Variants in JAKMIP3 observed in about 807,000 individuals in gnomAD.
JAKMIP3 encodes the protein janus kinase and microtubule-interacting protein 3.
Under a neutral mutation model 118.5 loss-of-function variants are expected in JAKMIP3, and 58 were observed. That is an observed-to-expected ratio of 0.49 (90% CI 0.40 to 0.61). The LOEUF (loss-of-function observed/expected upper bound fraction) is 0.61. Ranked by LOEUF, JAKMIP3 falls within the 20% of genes least tolerant of loss-of-function variation. The pLI, the probability that JAKMIP3 is intolerant of heterozygous loss-of-function variation, is 0.00. For synonymous variants in JAKMIP3, 486 were observed against 451.2 expected (o/e 1.08, Z -0.98); for missense variants, 950 against 1,109.0 (o/e 0.86, Z 2.04).
chr10:132,115,189 A>C (rs1333960091), intron 2 of JAKMIP3, among the ~76,000 whole-genome samples: 1 of 150,710 alleles, frequency 6.6e-6, no homozygotes, highest in Non-Finnish European at 1.5e-5. Flanking sequence ...CAGCACTGGC[A>C]GGTCACCGCG....
intron 10 of JAKMIP3, 76 bp from the exon 11 acceptor site, chr10:132,141,843 CG>C: frequency 6.6e-7 from 1 of 1,515,524 alleles, no homozygotes; most frequent in Non-Finnish European, 8.9e-7. Flanking sequence ...AGGGAAGCCC[CG>C]GGGCCCCGCC....
intron 21 of JAKMIP3, among the ~76,000 whole-genome samples, chr10:132,165,891 C>T (rs556409704): frequency 1.8e-4 from 27 of 152,370 alleles, no homozygotes; most frequent in East Asian, 1.7e-3. Context: ...CCCACTAGCA[C>T]GCAGGGGCAC....
intron 1 of JAKMIP3, among the ~76,000 whole-genome samples, chr10:132,097,540 C>T (rs1478693571): frequency 6.6e-6 from 1 of 151,976 alleles, no homozygotes; most frequent in Non-Finnish European, 1.5e-5. Flanking sequence ...CCCATGGTTA[C>T]AGAGGGGGCA....
chr10:132,094,255 A>G (rs2038697788), intron 1 of JAKMIP3, among the ~76,000 whole-genome samples: 1 of 151,828 alleles, frequency 6.6e-6, no homozygotes, highest in African/African-American at 2.4e-5. Flanking sequence ...ATTCTTTTTT[A>G]GGTAAGTCAG....
chr10:132,108,011 C>T (rs2046185067), intron 2 of JAKMIP3, among the ~76,000 whole-genome samples: 1 of 152,204 alleles, frequency 6.6e-6, no homozygotes, highest in African/African-American at 2.4e-5. Context: ...TGGGTCCGGG[C>T]AGAGTCCTCA....
intron 3 of JAKMIP3, among the ~76,000 whole-genome samples, chr10:132,125,711 A>G (rs2049419037): frequency 6.6e-6 from 1 of 152,180 alleles, no homozygotes; most frequent in African/African-American, 2.4e-5. Flanking sequence ...AATTATTCCT[A>G]AATATTTAAC....
chr10:132,106,775 C>T (rs1185539875), intron 2 of JAKMIP3, among the ~76,000 whole-genome samples: 2 of 152,234 alleles, frequency 1.3e-5, no homozygotes, highest in African/African-American at 2.4e-5. Context: ...CGGTGAGCCT[C>T]AGACATGGCT....
chr10:132,139,362 G>C (rs111975012), intron 9 of JAKMIP3, among the ~76,000 whole-genome samples: 1 of 108,006 alleles, frequency 9.3e-6, no homozygotes, highest in Admixed American at 9.0e-5. Context: ...GTGTATATGC[G>C]TCTGTACGTG....
intron 3 of JAKMIP3, among the ~76,000 whole-genome samples, chr10:132,132,643 T>C (rs1217352788): frequency 6.6e-6 from 1 of 152,178 alleles, no homozygotes; most frequent in Non-Finnish European, 1.5e-5. Flanking sequence ...CCAAAAGCCT[T>C]GGCTCGCAGC....
chr10:132,069,888 C>T (rs1212749774), intron 1 of JAKMIP3, among the ~76,000 whole-genome samples: 1 of 152,200 alleles, frequency 6.6e-6, no homozygotes, highest in Non-Finnish European at 1.5e-5. Context: ...TGTGTGTGGG[C>T]ACTGATGGCA....
At chr10:132,106,268 G>T (rs1185865544) in intron 2 of JAKMIP3, among the ~76,000 whole-genome samples, 1 of 152,008 alleles carries the variant, frequency 6.6e-6, no homozygotes, top group Non-Finnish European at 1.5e-5. Context: ...AGTCTAGGAG[G>T]TTGAGGCTAC....
rs1482212796 is a variant in JAKMIP3, at chr10:132,184,741, T to C, written c.*3488T>C. 2 of 152,264 alleles carry C rather than the reference T, an allele frequency of 1.3e-5. No individual in the cohort carries two copies. The highest frequency in any genetic ancestry group is 4.8e-5 in the African/African-American group (2 of 41,470). 9.4% of individuals were successfully genotyped at this position (152,264 alleles called of 1,614,324 possible). A position where few individuals can be genotyped will look rare whatever the true frequency, so the allele number is the denominator to read the frequency against. ...TTTTTGTATTGTGATTCCTATGATATATACCAGAGAATTTTTTACTCGTTT... is the reference window on the plus strand; with the variant it reads ...TTTTTGTATTGTGATTCCTATGATACATACCAGAGAATTTTTTACTCGTTT... On this transcript the variant is annotated 3_prime_UTR_variant, in exon 24 of 24. Transcript: ENST00000684848.
chr10:132,038,503 A>G (rs1253835958), intron 1 of JAKMIP3, among the ~76,000 whole-genome samples: 3 of 152,222 alleles, frequency 2.0e-5, no homozygotes. Flanking sequence ...GATGATCAAA[A>G]TAGTCAACCA....
upstream of JAKMIP3, among the ~76,000 whole-genome samples, chr10:132,063,684 G>T (rs984996661): frequency 6.6e-6 from 1 of 152,202 alleles, no homozygotes; most frequent in African/African-American, 2.4e-5. Flanking sequence ...CAAGGGGCAC[G>T]TTTACTGCAG....
intron 1 of JAKMIP3, among the ~76,000 whole-genome samples, chr10:132,075,368 C>CTT (rs1786727581): frequency 2.9e-4 from 24 of 83,360 alleles, no homozygotes; most frequent in South Asian, 1.9e-3. Flanking sequence ...TAAATTTTTC[C>CTT]ATTTTTTTTT....
rs766089939 is a variant in JAKMIP3, at chr10:132,135,028, A to G, written c.850-13A>G. 1.2e-6 allele frequency: 2 copies of G among 1,611,700 alleles called. No individual in the cohort carries two copies. The highest frequency in any genetic ancestry group is 1.3e-5 in the African/African-American group (1 of 75,032). On this transcript the variant is annotated splice_polypyrimidine_tract_variant and intron_variant, in intron 4 of 23. Transcript: ENST00000684848. ...GGGTAGGAACCGTTATTTGCAGTTGATTTTTGTTTTAGGAACAGCAGTTGG... is the reference window on the plus strand; with the variant it reads ...GGGTAGGAACCGTTATTTGCAGTTGGTTTTTGTTTTAGGAACAGCAGTTGG...
intron 1 of JAKMIP3, among the ~76,000 whole-genome samples, chr10:132,099,494 G>A (rs1457645249): frequency 2.6e-5 from 4 of 152,146 alleles, no homozygotes; most frequent in Admixed American, 2.6e-4. Context: ...GTGCAGTCCC[G>A]GTCTGAAACT....
chr10:132,110,517 C>T (rs541103174), intron 2 of JAKMIP3, among the ~76,000 whole-genome samples: 17 of 152,354 alleles, frequency 1.1e-4, no homozygotes, highest in African/African-American at 3.6e-4. Context: ...ACTGGACTGC[C>T]GTGCAGTGGG....
At chr10:132,098,563 C>T (rs557270298) in intron 1 of JAKMIP3, among the ~76,000 whole-genome samples, 3 of 152,306 alleles carry the variant, frequency 2.0e-5, no homozygotes, top group South Asian at 4.1e-4. Flanking sequence ...GCATCTTTAG[C>T]GTCCATCGCA....
Sources: allele counts gnomAD v4.1 joint callset (sites outside exome capture counted in the v4.1 genomes callset), GRCh38; gene constraint gnomAD v4.1.1; transcripts MANE v1.5; gene names NCBI Gene and HGNC (gene_info 2026-07-23, HGNC 2026-07-21).